Variants in ADK observed in about 807,000 individuals in gnomAD.
The protein encoded by ADK is N6,N6-dimethyladenosine kinase.
In ADK, 24 loss-of-function variants were observed where a neutral mutation model predicts 44.7. The observed-to-expected ratio is 0.54, with a 90% confidence interval of 0.39 to 0.76. ADK has a LOEUF of 0.76. Ranked by LOEUF, ADK falls within the 30% of genes least tolerant of loss-of-function variation. ADK has a pLI of 0.00. For synonymous variants in ADK, 128 were observed against 142.6 expected, an observed-to-expected ratio of 0.90 and a Z score of 0.73; for missense variants, 321 against 425.1, an observed-to-expected ratio of 0.76 and a Z score of 2.15.
intron 1 of ADK, among the ~76,000 whole-genome samples, chr10:74,183,953 G>T (rs1031008047): frequency 1.8e-4 from 27 of 151,994 alleles, no homozygotes; most frequent in African/African-American, 6.5e-4. Context: ...GTCTCGCTCT[G>T]TCACCCAGGC....
rs1301692127 is a variant in ADK, at chr10:74,550,490, A to G, written c.726+25064A>G. Among the ~76,000 whole-genome samples, 4 of 152,136 alleles carry G rather than the reference A, an allele frequency of 2.6e-5. No homozygotes were observed. In the East Asian group the frequency reaches 7.7e-4, roughly 29 times the overall value. On this transcript the variant is annotated intron_variant, in intron 7 of 10. Transcript: ENST00000539909. ...CATTATCACTTGCCCAGATTATTAC[A>G]GTAGTCTCATAATTGCTCTCCCTGC... is the stretch of plus-strand genomic sequence containing the variant.
chr10:74,635,993 C>T (rs1853610773), intron 9 of ADK, among the ~76,000 whole-genome samples: 1 of 151,374 alleles, frequency 6.6e-6, no homozygotes. Flanking sequence ...AAGGCTGAGG[C>T]AAGGAGGTTC....
rs557429246 is a variant in ADK, at chr10:74,397,502, C to G, written c.447-969C>G. ...ATTATTGTATTTATTTTTAATTAAACAAGCCAAGTGACACTTGTAGCAGGA... is the reference window on the plus strand; with the variant it reads ...ATTATTGTATTTATTTTTAATTAAAGAAGCCAAGTGACACTTGTAGCAGGA... On this transcript the variant is annotated intron_variant, in intron 5 of 10. Coordinates refer to ENST00000539909, the MANE Select transcript of ADK (RefSeq NM_006721.4). Among the ~76,000 whole-genome samples the G allele has an allele frequency of 1.0e-3, 158 of 151,982 alleles. 1 individual carries two copies. Among genetic ancestry groups the G allele is most frequent in the African/African-American group, 3.7e-3 (154 of 41,484 alleles).
intron 6 of ADK, among the ~76,000 whole-genome samples, chr10:74,414,521 A>AG (rs1056701073): frequency 5.9e-5 from 9 of 152,174 alleles, no homozygotes; most frequent in African/African-American, 2.2e-4. Context: ...AGATCACTTG[A>AG]GGTCAGGAGT....
intron 7 of ADK, among the ~76,000 whole-genome samples, chr10:74,579,818 G>C (rs936478171): frequency 6.6e-6 from 1 of 152,164 alleles, no homozygotes; most frequent in Admixed American, 6.5e-5. Flanking sequence ...TAGGGACAGG[G>C]ATAAAGCCAC....
chr10:74,191,465 T>C (rs7081573), intron 1 of ADK, among the ~76,000 whole-genome samples: 10,752 of 152,118 alleles, frequency 0.071, 1,300 homozygotes, highest in African/African-American at 0.25. Context: ...TCGCCCAGGC[T>C]GGTCTCGAAC....
At chr10:74,431,084 A>AC (rs1592203732) in intron 6 of ADK, among the ~76,000 whole-genome samples, 1 of 151,060 alleles carries the variant, frequency 6.6e-6, no homozygotes, top group South Asian at 2.1e-4. Context: ...AAAAAAAAAA[A>AC]AAAAAAAGAG....
intron 3 of ADK, among the ~76,000 whole-genome samples, chr10:74,259,560 C>T (rs879356675): frequency 1.3e-5 from 2 of 149,660 alleles, no homozygotes; most frequent in African/African-American, 2.5e-5. Context: ...GGGTTCATGC[C>T]ATTCTCCTGC....
intron 6 of ADK, among the ~76,000 whole-genome samples, chr10:74,466,149 A>G (rs2133268137): frequency 6.6e-6 from 1 of 152,212 alleles, no homozygotes; most frequent in Non-Finnish European, 1.5e-5. Context: ...ATGTTATGTC[A>G]TGGATGTACC....
chr10:74,258,297 T>C (rs1315948096), intron 3 of ADK, among the ~76,000 whole-genome samples: 3 of 152,164 alleles, frequency 2.0e-5, no homozygotes, highest in Admixed American at 2.0e-4. Flanking sequence ...AAAAGGTCAA[T>C]ATTAATAATT....
intron 4 of ADK, chr10:74,371,923 AC>A: frequency 7.0e-7 from 1 of 1,419,504 alleles, no homozygotes; most frequent in Non-Finnish European, 9.8e-7. Flanking sequence ...CCCAGGGCTG[AC>A]CACCAGCCTC....
At chr10:74,374,133 G>C (rs879846416) in intron 4 of ADK, among the ~76,000 whole-genome samples, 2 of 152,108 alleles carry the variant, frequency 1.3e-5, no homozygotes, top group Non-Finnish European at 2.9e-5. Flanking sequence ...TTGTGAAGAT[G>C]AGGTTTTCGG....
At position 74,472,778 on chromosome 10, in the gene ADK, G is replaced by A. The variant is rs148041286; in HGVS notation, c.556-52478G>A. Among the ~76,000 whole-genome samples, 834 of 152,194 alleles carry A rather than the reference G, an allele frequency of 5.5e-3. 7 individuals are homozygous for A. The highest frequency in any genetic ancestry group is 0.019 in the African/African-American group (777 of 41,518). ...AGTGAAAAGGAACATTTCCATCATC[G>A]CAGAAAGTGGTCTCATATAAAGAAC... On this transcript the variant is annotated intron_variant, in intron 6 of 10. Transcript: ENST00000539909.
At chr10:74,487,528 A>AT (rs138827614) in intron 6 of ADK, among the ~76,000 whole-genome samples, 7 of 147,900 alleles carry the variant, frequency 4.7e-5, no homozygotes, top group East Asian at 2.0e-4. Flanking sequence ...TTTTTTGGCT[A>AT]TTTTTTTTTT....
At chr10:74,676,417 A>T (rs1187194901) in intron 10 of ADK, among the ~76,000 whole-genome samples, 1 of 152,144 alleles carries the variant, frequency 6.6e-6, no homozygotes, top group Admixed American at 6.6e-5. Flanking sequence ...GGTATGAGCC[A>T]CTGCACCTGG....
At chr10:74,456,674 A>AG (rs1047659446) in intron 6 of ADK, among the ~76,000 whole-genome samples, 1 of 150,812 alleles carries the variant, frequency 6.6e-6, no homozygotes, top group African/African-American at 2.4e-5. Context: ...CTCAAAAAAA[A>AG]AAAAAAAAAA....
intron 6 of ADK, among the ~76,000 whole-genome samples, chr10:74,518,836 A>G (rs1848698223): frequency 1.3e-5 from 2 of 152,146 alleles, no homozygotes; most frequent in South Asian, 2.1e-4. Flanking sequence ...CTTTTTTACT[A>G]TTGATTTAAT....
intron 10 of ADK, among the ~76,000 whole-genome samples, chr10:74,696,525 C>G (rs1410152831): frequency 6.6e-6 from 1 of 151,566 alleles, no homozygotes; most frequent in Non-Finnish European, 1.5e-5. Context: ...GCCACCACCC[C>G]CAGCTAATTT....
At chr10:74,689,976 C>T (rs571733635) in intron 10 of ADK, among the ~76,000 whole-genome samples, 3 of 152,242 alleles carry the variant, frequency 2.0e-5, no homozygotes, top group African/African-American at 7.2e-5. Context: ...TTAGTAGGTC[C>T]GTGATGGGGC....
Sources: gnomAD v4.1 joint callset for allele counts (sites outside exome capture counted in the v4.1 genomes callset) on GRCh38, gnomAD v4.1.1 for gene constraint, MANE v1.5 for transcripts, NCBI Gene and HGNC (gene_info 2026-07-23, HGNC 2026-07-21) for gene names.